COL4A6: variants seen among roughly 807,000 people sequenced by gnomAD.
COL4A6 encodes the protein collagen alpha-6(IV) chain.
A neutral mutation model predicts 126.7 loss-of-function variants in COL4A6; 59 were observed. The observed-to-expected ratio is 0.47, with a 90% CI of 0.38 to 0.58. The LOEUF is 0.58. Ranked by LOEUF, COL4A6 falls within the 20% of genes least tolerant of loss-of-function variation. COL4A6 has a pLI of 0.00. For synonymous variants in COL4A6, 547 were observed against 496.6 expected, an observed-to-expected ratio of 1.10 and a Z score of -1.35; for missense variants, 1,285 against 1,337.3, an observed-to-expected ratio of 0.96 and a Z score of 0.61.
chrX:108,227,989 G>C (rs1442961980), intron 3 of COL4A6, among the ~76,000 whole-genome samples: 6 of 112,372 alleles, frequency 5.3e-5, no homozygotes, highest in Admixed American at 1.9e-4. Flanking sequence ...AAAGAAAGCT[G>C]CATAAGACTC....
chrX:108,188,537 G>A lies in COL4A6; in HGVS notation c.1567C>T (p.Gln523Ter). The change falls in exon 21 of 45, where the codon CAG (glutamine) becomes TAG (stop). Residue 523 changes from glutamine to a stop codon, truncating the protein, a stop_gained. Coordinates refer to ENST00000334504, the MANE Select transcript of COL4A6 (RefSeq NM_033641.4). LOFTEE classifies it high-confidence loss of function. ...CTTACTGGAGCCCCTGCTGGGCCCTGTGCACCCCCAGAGCCTCGATCTCCT... is the reference window on the plus strand; with the variant it reads ...CTTACTGGAGCCCCTGCTGGGCCCTATGCACCCCCAGAGCCTCGATCTCCT... Reference protein sequence around the residue: ...ARGDRGSGGAQGPAGAPGLVG... With the variant: ...ARGDRGSGGA 1.7e-6 allele frequency: 2 copies of A among 1,146,099 alleles called. No homozygotes were observed. 94.5% of individuals were successfully genotyped at this position (1,146,099 alleles called of 1,213,427 possible).
At chrX:108,363,772 GC>G (rs1235658218) in intron 2 of COL4A6, among the ~76,000 whole-genome samples, 5 of 112,090 alleles carry the variant, frequency 4.5e-5, no homozygotes, top group Non-Finnish European at 9.4e-5. Context: ...TTGTTCTGAG[GC>G]TTTGCAGTTG....
intron 3 of COL4A6, among the ~76,000 whole-genome samples, chrX:108,264,191 T>C (rs958949317): frequency 9.0e-6 from 1 of 111,136 alleles, no homozygotes; most frequent in Admixed American, 9.6e-5. Context: ...TAGCTACCTC[T>C]ACTACCCAGT....
chrX:108,429,344 T>C (rs2064140710), intron 2 of COL4A6, among the ~76,000 whole-genome samples: 1 of 112,135 alleles, frequency 8.9e-6, no homozygotes, highest in African/African-American at 3.2e-5. Context: ...TATACATTTG[T>C]AAAAACTTAA....
At chrX:108,351,472 G>GTGTGTA (rs769040698) in intron 2 of COL4A6, among the ~76,000 whole-genome samples, 1 of 109,910 alleles carries the variant, frequency 9.1e-6, no homozygotes, top group African/African-American at 3.3e-5. Flanking sequence ...GTGTGTGTGT[G>GTGTGTA]TGTGTATGTG....
At chrX:108,224,542 G>A (rs1029852810) in intron 3 of COL4A6, among the ~76,000 whole-genome samples, 3 of 110,805 alleles carry the variant, frequency 2.7e-5, no homozygotes, top group Admixed American at 9.6e-5. Context: ...CCTCAGCATG[G>A]TGTGAGGCTC....
chrX:108,194,911 T>C (rs949050533), intron 15 of COL4A6, among the ~76,000 whole-genome samples, 171 bp downstream of exon 15: 8 of 111,686 alleles, frequency 7.2e-5, no homozygotes, highest in African/African-American at 2.6e-4. Flanking sequence ...TGGATACCCA[T>C]GTTCTTGAGT....
chrX:108,358,379 T>C (rs1411329917), intron 2 of COL4A6, among the ~76,000 whole-genome samples: 2 of 108,306 alleles, frequency 1.8e-5, no homozygotes, highest in Admixed American at 2.0e-4. Flanking sequence ...AGACCTAAGT[T>C]CAAGGATAAT....
chrX:108,231,666 C>G (rs1303885627), intron 3 of COL4A6, among the ~76,000 whole-genome samples: 2 of 111,684 alleles, frequency 1.8e-5, no homozygotes, highest in African/African-American at 6.5e-5. Flanking sequence ...CCAAGCTACA[C>G]TGTCTCTGCA....
At chrX:108,327,368 C>T (rs949335603) in intron 2 of COL4A6, among the ~76,000 whole-genome samples, 2 of 105,464 alleles carry the variant, frequency 1.9e-5, no homozygotes, top group Non-Finnish European at 3.9e-5. Flanking sequence ...CAAAACCAGT[C>T]CCTGGTGCCC....
chrX:108,295,130 T>A (rs1474658420), intron 3 of COL4A6, among the ~76,000 whole-genome samples: 1 of 112,234 alleles, frequency 8.9e-6, no homozygotes, highest in Non-Finnish European at 1.9e-5. Context: ...CATCTCCATG[T>A]GCACATTAGT....
At position 108,187,247 on chromosome X, in the gene COL4A6, C is replaced by T; in HGVS notation, c.1800G>A (p.Lys600=). The change falls in exon 23 of 45, where the codon AAG becomes AAA. Residue 600 remains lysine, a synonymous_variant. Coordinates refer to ENST00000334504, the MANE Select transcript of COL4A6 (RefSeq NM_033641.4). ...GDGGQGFPGE[K]GLPGLPGEKG... is the part of the protein sequence containing the mutation. ...TTTCACCAGGAAGTCCAGGTAACCC[C>T]TTTTCACCTGGGAAGCCCTGTCCAC... 4.2e-6 allele frequency: 5 copies of T among 1,176,841 alleles called. No homozygotes were observed. The highest frequency in any genetic ancestry group is 4.6e-6 in the Non-Finnish European group (4 of 874,717).
chrX:108,350,336 T>A (rs1167059428), intron 2 of COL4A6, among the ~76,000 whole-genome samples: 1 of 111,607 alleles, frequency 9.0e-6, no homozygotes, highest in African/African-American at 3.3e-5. Context: ...CATGCCTATA[T>A]ATTCTTGTAG....
At chrX:108,427,345 A>C (rs1286071416) in intron 2 of COL4A6, among the ~76,000 whole-genome samples, 2 of 112,058 alleles carry the variant, frequency 1.8e-5, no homozygotes, top group Non-Finnish European at 3.8e-5. Flanking sequence ...GTAGTCACTA[A>C]ATAAATATTA....
intron 2 of COL4A6, among the ~76,000 whole-genome samples, chrX:108,333,210 A>G (rs2039348997): frequency 9.0e-6 from 1 of 111,507 alleles, no homozygotes; most frequent in Admixed American, 9.6e-5. Flanking sequence ...TACTAGAACT[A>G]TGCTACATCA....
At chrX:108,371,856 GAAA>G (rs34557947) in intron 2 of COL4A6, among the ~76,000 whole-genome samples, 3 of 50,594 alleles carry the variant, frequency 5.9e-5, no homozygotes, top group African/African-American at 7.8e-5. Context: ...CAATATGAAG[GAAA>G]AAAAAAAAAA....
chrX:108,173,861 T>A (rs774349437), intron 31 of COL4A6, among the ~76,000 whole-genome samples: 1 of 112,590 alleles, frequency 8.9e-6, no homozygotes, highest in African/African-American at 3.2e-5. Context: ...CCTTGCCTTG[T>A]ATGAGCCCAG....
chrX:108,318,716 A>C (rs1349387469), intron 2 of COL4A6, among the ~76,000 whole-genome samples: 2 of 112,401 alleles, frequency 1.8e-5, no homozygotes, highest in Non-Finnish European at 3.8e-5. Flanking sequence ...TGCTCAATGA[A>C]ATAAAAGAGG....
In COL4A6 at chrX:108,175,824, T is replaced by A. The variant is rs751353439; in HGVS notation, c.2687-27A>T. The A allele has an allele frequency of 6.9e-6, 8 of 1,161,191 alleles. No homozygotes were observed. The South Asian group carries it at 1.6e-4, about 23-fold the overall frequency. ...TGTTGAAAAACAAGAACTTTTATTA[T>A]CACTCCCATTTTACATACCAGGAAA... On this transcript the variant is annotated intron_variant, in intron 28 of 44. Transcript: ENST00000334504.
Sources: allele counts gnomAD v4.1 joint callset (sites outside exome capture counted in the v4.1 genomes callset), GRCh38; gene constraint gnomAD v4.1.1; transcripts MANE v1.5; gene names NCBI Gene and HGNC (gene_info 2026-07-23, HGNC 2026-07-21).